The following TSPAN33 variants were observed in gnomAD, a reference collection of about 807,000 sequenced individuals.
TSPAN33 encodes the protein tetraspanin 33.
Under a neutral mutation model 34.8 loss-of-function variants are expected in TSPAN33, and 27 were observed. The observed-to-expected ratio is 0.78, with a 90% CI of 0.57 to 1.07. The LOEUF (loss-of-function observed/expected upper bound fraction) is 1.07. Ranked by LOEUF, TSPAN33 falls within the 50% of genes least tolerant of loss-of-function variation. The pLI is 0.00. For synonymous variants in TSPAN33, 119 were observed against 124.2 expected (o/e 0.96, Z 0.28); for missense variants, 272 against 324.9 (o/e 0.84, Z 1.25).
At chr7:129,149,126 A>G (rs1209539392) in intron 1 of TSPAN33, among the ~76,000 whole-genome samples, 1 of 152,188 alleles carries the variant, frequency 6.6e-6, no homozygotes, top group Non-Finnish European at 1.5e-5. Flanking sequence ...AAAAACAACG[A>G]AAATTACAAA....
At chr7:129,149,484 G>A (rs1194108303) in intron 1 of TSPAN33, among the ~76,000 whole-genome samples, 1 of 152,118 alleles carries the variant, frequency 6.6e-6, no homozygotes, top group East Asian at 1.9e-4. Flanking sequence ...CCTGAACCTG[G>A]GAGGCAGAGA....
chr7:129,167,878 T>C lies in TSPAN33; in HGVS notation c.*4T>C, dbSNP rs1793168273. On this transcript the variant is annotated 3_prime_UTR_variant, in exon 8 of 8. Coordinates refer to ENST00000486685, the MANE Select transcript of TSPAN33 (RefSeq NM_178562.5). This position sits in a 1 kb window ranked among gnomAD's most constrained non-coding sequence, Gnocchi z 4.6. Reference sequence around the variant, plus strand: ...CCGGGCTGACCCATGGTACTGAGAATCCATCCTGCACCTCCTCACCATGGA... The same window carrying C: ...CCGGGCTGACCCATGGTACTGAGAACCCATCCTGCACCTCCTCACCATGGA... 3 of 1,613,702 alleles carry C rather than the reference T, an allele frequency of 1.9e-6. No homozygotes were observed. The African/African-American group carries it at 4.0e-5, about 22-fold the overall frequency.
intron 5 of TSPAN33, among the ~76,000 whole-genome samples, chr7:129,166,178 G>T (rs1793137174): frequency 6.6e-6 from 1 of 152,134 alleles, no homozygotes; most frequent in South Asian, 2.1e-4. Context: ...GACCTCAGGT[G>T]ATCTGCCCTC....
In TSPAN33 at chr7:129,167,629, C is replaced by T; in HGVS notation, c.750+69C>T. On this transcript the variant is annotated intron_variant, in intron 7 of 7. Coordinates refer to ENST00000486685, the MANE Select transcript of TSPAN33 (RefSeq NM_178562.5). This position sits in a 1 kb window ranked among gnomAD's most constrained non-coding sequence, Gnocchi z 4.6. ...AGACTCCTTTGTTTTGGGGAAGGCA[C>T]CTGGGGATCAGCGAGGGTGTCAGGC... 2.5e-6 allele frequency: 4 copies of T among 1,583,512 alleles called. No individual in the cohort carries two copies. Among genetic ancestry groups the T allele is most frequent in the Non-Finnish European group, 2.6e-6 (3 of 1,159,410 alleles).
chr7:129,168,794 G>A lies in TSPAN33; in HGVS notation c.*920G>A, dbSNP rs1281080863. 6.8e-6 allele frequency: 1 copy of A among 146,872 alleles called. No individual in the cohort carries two copies. Among genetic ancestry groups the A allele is most frequent in the Non-Finnish European group, 1.5e-5 (1 of 66,236 alleles). 9.1% of individuals were successfully genotyped at this position (146,872 alleles called of 1,614,324 possible). A position where few individuals can be genotyped will look rare whatever the true frequency, so the allele number is the denominator to read the frequency against. ...GAGGTAGGAATCTTGCTGGGACGAG[G>A]GGAGCCAGAAGTGGCAATAAAAGCG... On this transcript the variant is annotated 3_prime_UTR_variant, in exon 8 of 8. Coordinates refer to ENST00000486685, the MANE Select transcript of TSPAN33 (RefSeq NM_178562.5).
chr7:129,149,553 CAAAAAAA>C (rs996386835), intron 1 of TSPAN33, among the ~76,000 whole-genome samples: 2 of 150,238 alleles, frequency 1.3e-5, no homozygotes, highest in East Asian at 3.9e-4. Flanking sequence ...AACTCCGTCT[CAAAAAAA>C]AAGAAAAAAG....
At position 129,144,733 on chromosome 7, in the gene TSPAN33, C is replaced by T. The variant is rs1397132416; in HGVS notation, c.-248C>T. Among the ~76,000 whole-genome samples, 2 of 90,616 alleles carry T rather than the reference C, an allele frequency of 2.2e-5. No individual in the cohort carries two copies. The highest frequency in any genetic ancestry group is 1.0e-4 in the Admixed American group (1 of 10,012). The allele number at this position is 90,616 out of a possible 152,430, so 59.4% of individuals were successfully genotyped here. On this transcript the variant is annotated 5_prime_UTR_variant, in exon 1 of 8. Coordinates refer to ENST00000486685, the MANE Select transcript of TSPAN33 (RefSeq NM_178562.5). Reference sequence around the variant, plus strand: ...TGGGCGCCTGGCTGGCCGGGCTGGTCCTGCGGCCGCGGGTGAGTCTCGTCC... The same window carrying T: ...TGGGCGCCTGGCTGGCCGGGCTGGTTCTGCGGCCGCGGGTGAGTCTCGTCC...
chr7:129,168,831 G>GACTCCATGGTGTTGACACGGGA lies in TSPAN33; in HGVS notation c.*957_*958insACTCCATGGTGTTGACACGGGA, dbSNP rs3830629. 6.6e-6 allele frequency: 1 copy of GACTCCATGGTGTTGACACGGGA among 152,310 alleles called. No homozygotes were observed. Among genetic ancestry groups the GACTCCATGGTGTTGACACGGGA allele is most frequent in the Admixed American group, 6.6e-5 (1 of 15,256 alleles). 9.4% of individuals were successfully genotyped at this position (152,310 alleles called of 1,614,324 possible). A position where few individuals can be genotyped will look rare whatever the true frequency, so the allele number is the denominator to read the frequency against. On this transcript the variant is annotated 3_prime_UTR_variant, in exon 8 of 8. Coordinates refer to ENST00000486685, the MANE Select transcript of TSPAN33 (RefSeq NM_178562.5). ...TGGCAATAAAAGCGTGTTGACCTGGGCTACGCGGGACTCCATGAATTTTCC... is the reference window on the plus strand; with the variant it reads ...TGGCAATAAAAGCGTGTTGACCTGGGACTCCATGGTGTTGACACGGGACTACGCGGGACTCCATGAATTTTCC...
At chr7:129,157,995 A>C (rs1281633084) in intron 1 of TSPAN33, among the ~76,000 whole-genome samples, 5 of 152,232 alleles carry the variant, frequency 3.3e-5, no homozygotes, top group African/African-American at 1.2e-4. Context: ...GGGCTAAAAT[A>C]CAGCAGCCCC....
In TSPAN33 at chr7:129,167,025, C is replaced by T; in HGVS notation, c.588+119C>T. The T allele has an allele frequency of 8.0e-7, 1 of 1,255,860 alleles. No homozygotes were observed. The highest frequency in any genetic ancestry group is 2.3e-5 in the East Asian group (1 of 42,620). 77.8% of individuals were successfully genotyped at this position (1,255,860 alleles called of 1,614,324 possible). A position where few individuals can be genotyped will look rare whatever the true frequency, so the allele number is the denominator to read the frequency against. ...TTCACCGATCAGTCATGTGGGACAG[C>T]TGTCAGGTGTTTTTCTTCACCCCAA... On this transcript the variant is annotated intron_variant, in intron 6 of 7. Transcript: ENST00000486685. This position sits in a 1 kb window ranked among gnomAD's most constrained non-coding sequence, Gnocchi z 4.6.
In TSPAN33 at chr7:129,165,379, G is replaced by C. The variant is rs1793123037; in HGVS notation, c.459+810G>C. 6.6e-6 allele frequency among the ~76,000 whole-genome samples: 1 copy of C among 152,188 alleles called. No homozygotes were observed. The highest frequency in any genetic ancestry group is 6.5e-5 in the Admixed American group (1 of 15,276). ...TCTGTCTGTAAATTTGACAACTCTA[G>C]GTACCTCAAATGAAGGGACTCACGG... On this transcript the variant is annotated intron_variant, in intron 5 of 7. Transcript: ENST00000486685. This position sits in a 1 kb window ranked among gnomAD's most constrained non-coding sequence, Gnocchi z 4.5.
At chr7:129,158,466 G>A (rs1175659017) in intron 1 of TSPAN33, among the ~76,000 whole-genome samples, 14 of 152,084 alleles carry the variant, frequency 9.2e-5, no homozygotes, top group South Asian at 2.1e-4. Context: ...TGTTATATAG[G>A]TAAATTATGT....
intron 1 of TSPAN33, among the ~76,000 whole-genome samples, 198 bp downstream of exon 1, chr7:129,145,280 G>A (rs958093714): frequency 6.6e-6 from 1 of 152,018 alleles, no homozygotes; most frequent in Non-Finnish European, 1.5e-5. Context: ...GGTATGCCAG[G>A]GAATCAGTAA....
chr7:129,148,227 G>A lies in TSPAN33; in HGVS notation c.102+3145G>A, dbSNP rs191745634. On this transcript the variant is annotated intron_variant, in intron 1 of 7. Transcript: ENST00000486685. This position sits in a 1 kb window ranked among gnomAD's most constrained non-coding sequence, Gnocchi z 4.2. ...AGCAGTTGGCTGGCTTTTGAGTCAG[G>A]CAGAGCCCAGAAGCTCAGACCTCCA... is the stretch of plus-strand genomic sequence containing the variant. Among the ~76,000 whole-genome samples, 33 of 152,256 alleles carry A rather than the reference G, an allele frequency of 2.2e-4. No homozygotes were observed. The highest frequency in any genetic ancestry group is 4.0e-4 in the Non-Finnish European group (27 of 68,026).
At chr7:129,153,077 A>AAAAAAG (rs1563136378) in intron 1 of TSPAN33, among the ~76,000 whole-genome samples, 22 of 142,770 alleles carry the variant, frequency 1.5e-4, no homozygotes, top group African/African-American at 5.3e-4. Context: ...AAAAAAAAAA[A>AAAAAAG]AAAAAGAAAA....
At chr7:129,151,693 C>T (rs976933264) in intron 1 of TSPAN33, among the ~76,000 whole-genome samples, 2 of 152,100 alleles carry the variant, frequency 1.3e-5, no homozygotes, top group Admixed American at 6.5e-5. Context: ...TTCATTTTCT[C>T]CTTTCTCCCA....
intron 1 of TSPAN33, among the ~76,000 whole-genome samples, chr7:129,160,192 G>A (rs180675534): frequency 1.3e-5 from 2 of 152,298 alleles, no homozygotes; most frequent in African/African-American, 4.8e-5. Flanking sequence ...GGCCTACAGG[G>A]AAAAATGAGG....
At position 129,145,091 on chromosome 7, in the gene TSPAN33, C is replaced by A; in HGVS notation, c.102+9C>A. 1 of 698,448 alleles carries A rather than the reference C, an allele frequency of 1.4e-6. No individual in the cohort carries two copies. The highest frequency in any genetic ancestry group is 1.5e-5 in the South Asian group (1 of 66,402). The allele number at this position is 698,448 out of a possible 1,614,324, so 43.3% of individuals were successfully genotyped here. A position where few individuals can be genotyped will look rare whatever the true frequency, so the allele number is the denominator to read the frequency against. On this transcript the variant is annotated intron_variant, in intron 1 of 7. Transcript: ENST00000486685. ...TCAACATGCTCTTCTGGGTGAGTCT[C>A]GGGGTCGAGGGCACCTGGGCGGCGG...
rs1317069810 is a variant in TSPAN33, at chr7:129,168,569, C to T, written c.*695C>T. ...AAATTCTTCCCCACCTCCCTTACTT[C>T]GAAAAAAAGTTTGGAACCCTGGTCC... On this transcript the variant is annotated 3_prime_UTR_variant, in exon 8 of 8. Transcript: ENST00000486685. 2 of 152,708 alleles carry T rather than the reference C, an allele frequency of 1.3e-5. No individual in the cohort carries two copies. The highest frequency in any genetic ancestry group is 4.8e-5 in the African/African-American group (2 of 41,388). 9.5% of individuals were successfully genotyped at this position (152,708 alleles called of 1,614,324 possible).
Sources: gnomAD v4.1 joint callset for allele counts (sites outside exome capture counted in the v4.1 genomes callset) on GRCh38, gnomAD v4.1.1 for gene constraint, Gnocchi (gnomAD v3.1) non-coding constraint, MANE v1.5 for transcripts, NCBI Gene and HGNC (gene_info 2026-07-23, HGNC 2026-07-21) for gene names.